Variants in MEGF6 observed in about 807,000 individuals in gnomAD.
MEGF6 encodes multiple epidermal growth factor-like domains protein 6.
In MEGF6, 184 loss-of-function variants were observed where a neutral mutation model predicts 207.1. The observed-to-expected ratio is 0.89, with a 90% CI of 0.79 to 1.00. The LOEUF is 1.00. Ranked by LOEUF, MEGF6 falls within the 50% of genes least tolerant of loss-of-function variation. The pLI is 0.00. For synonymous variants in MEGF6, 1,038 were observed against 910.0 expected (o/e 1.14, Z -2.53); for missense variants, 2,282 against 2,202.9 (o/e 1.04, Z -0.72).
intron 7 of MEGF6, 145 bp from the exon 8 acceptor site, chr1:3,512,273 G>A: frequency 9.0e-7 from 1 of 1,108,100 alleles, no homozygotes; most frequent in Non-Finnish European, 1.3e-6. Context: ...CACTGTCCCT[G>A]ACGGCCACTA....
intron 17 of MEGF6, among the ~76,000 whole-genome samples, chr1:3,504,004 C>T (rs1003201111): frequency 2.0e-5 from 3 of 151,992 alleles, no homozygotes; most frequent in African/African-American, 7.3e-5. Context: ...CTTGGGTGGA[C>T]GTTGCTCCCT....
intron 10 of MEGF6, 78 bp from the exon 11 acceptor site, chr1:3,510,070 C>G: frequency 6.7e-7 from 1 of 1,503,432 alleles, no homozygotes; most frequent in Non-Finnish European, 8.9e-7. Context: ...CCAGTCCTAC[C>G]CACAGGACTG....
At chr1:3,610,003 G>C (rs1314897073) in intron 1 of MEGF6, among the ~76,000 whole-genome samples, 1 of 152,248 alleles carries the variant, frequency 6.6e-6, no homozygotes, top group East Asian at 1.9e-4. Context: ...GGCCACTGTT[G>C]TGTCCCTTCT....
chr1:3,597,975 G>C (rs544729414), intron 2 of MEGF6, among the ~76,000 whole-genome samples: 4 of 152,226 alleles, frequency 2.6e-5, no homozygotes, highest in Non-Finnish European at 5.9e-5. Context: ...GCAGCGGGAG[G>C]ATGGAGACAG....
Position 3,548,670 on chromosome 1 carries a change from C to T in MEGF6, c.482-24424G>A, listed in dbSNP as rs537716550. 1.0e-3 allele frequency among the ~76,000 whole-genome samples: 155 copies of T among 152,288 alleles called. 4 individuals are homozygous for T. In the South Asian group the frequency reaches 0.03, roughly 29 times the overall value. On this transcript the variant is annotated intron_variant, in intron 4 of 36. Transcript: ENST00000356575. Reference sequence around the variant, plus strand: ...CCTTGAGGCCAGGTGGCTGGGAGGGCGGTGTCCAGGCAGGTGGGGCTGGAC... The same window carrying T: ...CCTTGAGGCCAGGTGGCTGGGAGGGTGGTGTCCAGGCAGGTGGGGCTGGAC...
chr1:3,536,533 G>T (rs1285639572), intron 4 of MEGF6, among the ~76,000 whole-genome samples: 1 of 152,164 alleles, frequency 6.6e-6, no homozygotes, highest in Non-Finnish European at 1.5e-5. Flanking sequence ...CGCCTCCCAG[G>T]CCCAGGCTGC....
chr1:3,506,610 A>T (rs984965948), intron 14 of MEGF6, among the ~76,000 whole-genome samples: 1 of 152,214 alleles, frequency 6.6e-6, no homozygotes, highest in Non-Finnish European at 1.5e-5. Flanking sequence ...ACGTGGCCCC[A>T]GTAGACAAGG....
chr1:3,620,425 A>C, the MEGF6 span, among the ~76,000 whole-genome samples: 1 of 152,250 alleles, frequency 6.6e-6, no homozygotes, highest in East Asian at 1.9e-4. Context: ...CAGGGCCAAA[A>C]GGGGTCAAGG....
intron 3 of MEGF6, among the ~76,000 whole-genome samples, chr1:3,580,166 C>A (rs1643758028): frequency 6.6e-6 from 1 of 151,942 alleles, no homozygotes; most frequent in Non-Finnish European, 1.5e-5. Context: ...GGCAGTAAAG[C>A]CCTAACTCAC....
intron 9 of MEGF6, 63 bp from the exon 10 acceptor site, chr1:3,510,965 C>T: frequency 1.3e-6 from 2 of 1,539,276 alleles, no homozygotes; most frequent in Admixed American, 3.6e-5. Context: ...CGCCCCCACC[C>T]ACACACAACT....
At chr1:3,532,202 C>T (rs1418286483) in intron 4 of MEGF6, among the ~76,000 whole-genome samples, 1 of 152,240 alleles carries the variant, frequency 6.6e-6, no homozygotes, top group African/African-American at 2.4e-5. Flanking sequence ...GGGAGGCAGT[C>T]CTCCCAGGGT....
chr1:3,569,182 C>T (rs978706919), intron 4 of MEGF6, among the ~76,000 whole-genome samples: 1 of 152,232 alleles, frequency 6.6e-6, no homozygotes, highest in East Asian at 1.9e-4. Flanking sequence ...GGGGGGAGAC[C>T]GAGGCTCCTT....
At chr1:3,567,308 G>A (rs1643371638) in intron 4 of MEGF6, among the ~76,000 whole-genome samples, 11 of 152,176 alleles carry the variant, frequency 7.2e-5, no homozygotes. Flanking sequence ...ACCTGCCCCT[G>A]AGGCCACAGC....
At chr1:3,541,780 G>A (rs556693067) in intron 4 of MEGF6, among the ~76,000 whole-genome samples, 15 of 152,280 alleles carry the variant, frequency 9.9e-5, no homozygotes, top group Admixed American at 9.1e-4. Context: ...GGGATGGGTG[G>A]GAAGGGCAGA....
intron 2 of MEGF6, among the ~76,000 whole-genome samples, chr1:3,599,166 T>C (rs2821011): frequency 0.89 from 136,242 of 152,270 alleles, 60,996 homozygotes; most frequent in East Asian, 0.98. Flanking sequence ...GGGGCCAGCC[T>C]GGGGAGGGGG....
rs57325073 is a variant in MEGF6 at position 3,538,696 on chromosome 1, C to CTGTGTGTGTGTGTGTGTG, written c.482-14468_482-14451dup. 1.4e-3 allele frequency among the ~76,000 whole-genome samples: 183 copies of CTGTGTGTGTGTGTGTGTG among 132,094 alleles called. 1 individual carries two copies. The Middle Eastern group carries it at 0.015, about 11-fold the overall frequency. 86.7% of individuals were successfully genotyped at this position (132,094 alleles called of 152,430 possible). The stretch of plus-strand genomic sequence containing the variant: ...TGCTGCCGGCCAGCAGAGCATGTGC[C>CTGTGTGTGTGTGTGTGTG]TGTGTGTGTGTGTGTGTGTGTGTGT... On this transcript the variant is annotated intron_variant, in intron 4 of 36. Coordinates refer to ENST00000356575, the MANE Select transcript of MEGF6 (RefSeq NM_001409.4).
chr1:3,610,317 C>T (rs1644307384), intron 1 of MEGF6, among the ~76,000 whole-genome samples: 1 of 152,246 alleles, frequency 6.6e-6, no homozygotes, highest in Admixed American at 6.5e-5. Context: ...GCACCAGGCC[C>T]TGCTGGGGAG....
intron 3 of MEGF6, among the ~76,000 whole-genome samples, chr1:3,582,518 C>T (rs1034135002): frequency 3.3e-5 from 5 of 152,186 alleles, no homozygotes. Flanking sequence ...CTTAGCCGGC[C>T]CCAGCTTCTC....
At chr1:3,509,003 C>A in intron 12 of MEGF6, 72 bp downstream of exon 12, 2 of 1,425,752 alleles carry the variant, frequency 1.4e-6, no homozygotes, top group Non-Finnish European at 9.3e-7. Context: ...GATTGGATGG[C>A]AGCCTAGCCC....
Sources: allele counts gnomAD v4.1 joint callset (sites outside exome capture counted in the v4.1 genomes callset), GRCh38; gene constraint gnomAD v4.1.1; transcripts MANE v1.5; gene names NCBI Gene and HGNC (gene_info 2026-07-23, HGNC 2026-07-21).